ZMYM5: variants seen among roughly 807,000 people sequenced by gnomAD.
ZMYM5 encodes zinc finger MYM-type containing 5.
In ZMYM5, 41 loss-of-function variants were observed where a neutral mutation model predicts 61.8. The observed-to-expected ratio is 0.66, with a 90% CI of 0.52 to 0.86. The LOEUF is 0.86. Ranked by LOEUF, ZMYM5 falls within the 40% of genes least tolerant of loss-of-function variation. The pLI is 0.00. For synonymous variants in ZMYM5, 257 were observed against 276.4 expected, an observed-to-expected ratio of 0.93 and a Z score of 0.70; for missense variants, 706 against 786.7, an observed-to-expected ratio of 0.90 and a Z score of 1.23.
At chr13:19,863,367 G>C (rs1299236388) in intron 1 of ZMYM5, 83 bp downstream of exon 1, 1 of 152,120 alleles carries the variant, frequency 6.6e-6, no homozygotes, top group Non-Finnish European at 1.5e-5. Flanking sequence ...CAACGGCGAC[G>C]GCGGCCGCGC....
At chr13:19,851,332 A>T (rs1953285942) in intron 4 of ZMYM5, 23 bp downstream of exon 4, 1 of 1,590,866 alleles carries the variant, frequency 6.3e-7, no homozygotes, top group African/African-American at 1.3e-5. Flanking sequence ...CTTGAGGTAG[A>T]AACAGTATCA....
chr13:19,829,071 C>G (rs1891070351), intron 7 of ZMYM5, among the ~76,000 whole-genome samples: 1 of 152,064 alleles, frequency 6.6e-6, no homozygotes, highest in South Asian at 2.1e-4. Flanking sequence ...CACTGCACAG[C>G]AGCCTGGGTG....
intron 2 of ZMYM5, among the ~76,000 whole-genome samples, chr13:19,855,031 C>T (rs899561283): frequency 2.6e-5 from 4 of 151,932 alleles, no homozygotes; most frequent in Non-Finnish European, 4.4e-5. Flanking sequence ...ATTTAAGGAA[C>T]CAGTTTAAAA....
At chr13:19,851,518 G>A (rs185668133) in intron 3 of ZMYM5, 70 bp from the exon 4 acceptor site, 32 of 1,574,086 alleles carry the variant, frequency 2.0e-5, no homozygotes, top group African/African-American at 4.1e-5. Flanking sequence ...GTCCTTTAGC[G>A]ACATCTCCCA....
intron 4 of ZMYM5, among the ~76,000 whole-genome samples, chr13:19,844,431 C>G (rs1204405552): frequency 6.6e-6 from 1 of 152,158 alleles, no homozygotes; most frequent in Non-Finnish European, 1.5e-5. Flanking sequence ...TATGTTGTCT[C>G]AGGTTTAACT....
intron 6 of ZMYM5, chr13:19,837,316 G>T: frequency 1.2e-6 from 1 of 826,974 alleles, no homozygotes; most frequent in Non-Finnish European, 1.6e-6. Context: ...ACCACGTCCG[G>T]CCCCAAGGGG....
At chr13:19,862,621 A>G (rs1953812697) in intron 1 of ZMYM5, among the ~76,000 whole-genome samples, 155 bp from the exon 2 acceptor site, 2 of 152,132 alleles carry the variant, frequency 1.3e-5, no homozygotes, top group South Asian at 4.2e-4. Context: ...AGTTGAAAAA[A>G]AAGAACTATA....
chr13:19,827,252 G>C (rs1183945688), intron 7 of ZMYM5, among the ~76,000 whole-genome samples: 1 of 152,126 alleles, frequency 6.6e-6, no homozygotes, highest in Middle Eastern at 3.2e-3. Flanking sequence ...CTTTAATGGT[G>C]AAATTTTCAT....
At position 19,838,739 on chromosome 13, in the gene ZMYM5, T is replaced by C. The variant is rs1023517206; in HGVS notation, c.833A>G (p.His278Arg). ...GCTTCGTGTGTTTTGAGTACGTTTA[T>C]GAGAGAAGGAAGAAAGGCAGGTGGT... ...CSTTCLSSFSHKRTQNTRSII... is the reference protein window; with the variant it reads ...CSTTCLSSFSRKRTQNTRSII... Residue 278 changes from histidine (H) to arginine (R), a missense_variant, in exon 5 of 8, where the codon CAT becomes CGT. This residue lies in a region of ZMYM5 where 480 missense variants were observed against 461.7 expected (regional missense o/e 1.04). Transcript: ENST00000337963. 9 of 1,614,226 alleles carry C rather than the reference T, an allele frequency of 5.6e-6. No homozygotes were observed. The East Asian group carries it at 1.8e-4, about 32-fold the overall frequency.
chr13:19,842,788 CATCTCTACTAAA>C (rs1400437133), intron 4 of ZMYM5, among the ~76,000 whole-genome samples: 3 of 151,574 alleles, frequency 2.0e-5, no homozygotes, highest in Non-Finnish European at 4.4e-5. Context: ...GGCGAAACCC[CATCTCTACTAAA>C]AGTACAAAAA....
chr13:19,835,751 T>C, intron 6 of ZMYM5, 62 bp from the exon 7 acceptor site: 1 of 1,203,252 alleles, frequency 8.3e-7, no homozygotes, highest in African/African-American at 1.6e-5. Context: ...TAGCAAGCAA[T>C]GAGATAACTA....
At chr13:19,859,571 T>A (rs983700730) in intron 2 of ZMYM5, among the ~76,000 whole-genome samples, 3 of 145,662 alleles carry the variant, frequency 2.1e-5, no homozygotes, top group Admixed American at 6.8e-5. Context: ...CCCAGCTGAT[T>A]TTTTTTTTTG....
At chr13:19,852,889 C>T (rs1246146375) in intron 2 of ZMYM5, among the ~76,000 whole-genome samples, 3 of 152,172 alleles carry the variant, frequency 2.0e-5, no homozygotes, top group African/African-American at 7.2e-5. Flanking sequence ...GCTCTGTTGT[C>T]CAGGCTGGAG....
At chr13:19,845,970 C>G (rs1209430710) in intron 4 of ZMYM5, among the ~76,000 whole-genome samples, 1 of 152,190 alleles carries the variant, frequency 6.6e-6, no homozygotes, top group Non-Finnish European at 1.5e-5. Flanking sequence ...CTCAAAGACC[C>G]AAGTTTCAAT....
chr13:19,848,593 G>C (rs796884437), intron 4 of ZMYM5, among the ~76,000 whole-genome samples: 3 of 151,748 alleles, frequency 2.0e-5, no homozygotes, highest in African/African-American at 7.3e-5. Flanking sequence ...GAGTGCAGTG[G>C]AGTGATCTGG....
intron 1 of ZMYM5, among the ~76,000 whole-genome samples, chr13:19,863,095 G>C (rs1318194203): frequency 1.3e-5 from 2 of 152,178 alleles, no homozygotes; most frequent in African/African-American, 4.8e-5. Context: ...GCGAAGACCC[G>C]GCCGGGGCGC....
At chr13:19,831,755 T>C (rs532614742) in intron 7 of ZMYM5, among the ~76,000 whole-genome samples, 2 of 106,970 alleles carry the variant, frequency 1.9e-5, no homozygotes, top group South Asian at 3.6e-4. Context: ...GCTGAGATCG[T>C]CCAGCCTGGG....
At chr13:19,840,786 C>T (rs4040783) in intron 4 of ZMYM5, among the ~76,000 whole-genome samples, 1 of 152,000 alleles carries the variant, frequency 6.6e-6, no homozygotes, top group Non-Finnish European at 1.5e-5. Context: ...ATGCCATTCT[C>T]CTACCTCAAG....
intron 7 of ZMYM5, among the ~76,000 whole-genome samples, chr13:19,825,879 A>G (rs974995832): frequency 6.6e-6 from 1 of 151,956 alleles, no homozygotes; most frequent in East Asian, 1.9e-4. Context: ...CGTCTCTGCT[A>G]AAAATACAAA....
Sources: gnomAD v4.1 joint callset for allele counts (sites outside exome capture counted in the v4.1 genomes callset) on GRCh38, gnomAD v4.1.1 for gene constraint, gnomAD v4.1.1 regional missense constraint, MANE v1.5 for transcripts, NCBI Gene and HGNC (gene_info 2026-07-23, HGNC 2026-07-21) for gene names.